Variants in CEP152 observed in about 807,000 individuals in gnomAD.
CEP152 encodes the protein centrosomal protein 152, also known as centrosomal protein of 152 kDa.
A neutral mutation model predicts 188.9 loss-of-function variants in CEP152; 132 were observed. That is an observed-to-expected ratio of 0.70 (90% CI 0.61 to 0.81). The LOEUF is 0.81. CEP152 is among the 30% of genes least tolerant of loss of function. The pLI, the probability that CEP152 is intolerant of heterozygous loss-of-function variation, is 0.00. For synonymous variants in CEP152, 649 were observed against 666.6 expected (o/e 0.97, Z 0.41); for missense variants, 1,914 against 1,969.8 (o/e 0.97, Z 0.54).
chr15:48,742,082 A>G lies in CEP152; in HGVS notation c.3854T>C (p.Ile1285Thr). 3 of 1,614,112 alleles carry G rather than the reference A, an allele frequency of 1.9e-6. No homozygotes were observed. Among genetic ancestry groups the G allele is most frequent in the Non-Finnish European group, 2.5e-6 (3 of 1,179,994 alleles). ...KKIKCDMLRY[I>T]QESKERAAEM... ...TGCAGCTCGTTCCTTACTCTCCTGA[A>G]TATAACGAAGCATGTCACCTATAGG... Residue 1285 changes from isoleucine to threonine, a missense_variant, in exon 25 of 27, where the codon ATT (isoleucine) becomes ACT (threonine). Coordinates refer to ENST00000380950, the MANE Select transcript of CEP152 (RefSeq NM_001194998.2).
rs1406403214 is a variant in CEP152, at chr15:48,748,440, A to C, written c.3634+3T>G. 6.5e-7 allele frequency: 1 copy of C among 1,526,864 alleles called. No individual in the cohort carries two copies. The highest frequency in any genetic ancestry group is 1.4e-5 in the African/African-American group (1 of 72,546). 94.6% of individuals were successfully genotyped at this position (1,526,864 alleles called of 1,614,324 possible). A position where few individuals can be genotyped will look rare whatever the true frequency, so the allele number is the denominator to read the frequency against. On this transcript the variant is annotated splice_donor_region_variant and intron_variant, in intron 22 of 26. Transcript: ENST00000380950. ...TGGTAGCAGTGCTACTTTAAATGCT[A>C]ACCTCCAATTTTTTCCACTACAGCT...
chr15:48,754,256 C>T (rs1280720882), intron 20 of CEP152, among the ~76,000 whole-genome samples: 1 of 152,104 alleles, frequency 6.6e-6, no homozygotes, highest in Admixed American at 6.6e-5. Context: ...TTATGAGCCT[C>T]ATTAAGTCAC....
intron 22 of CEP152, among the ~76,000 whole-genome samples, chr15:48,746,838 A>G (rs1424655075): frequency 1.3e-5 from 2 of 152,196 alleles, no homozygotes; most frequent in Non-Finnish European, 2.9e-5. Flanking sequence ...AGGACTAAAC[A>G]GGTCTGCAGT....
rs772045353 is a variant in CEP152 at position 48,793,391 on chromosome 15, G to A, written c.762C>T (p.Asn254=). 3.1e-6 allele frequency: 5 copies of A among 1,613,718 alleles called. No individual in the cohort carries two copies. In the African/African-American group the frequency reaches 6.7e-5, roughly 22 times the overall value. The change falls in exon 7 of 27, where the codon AAC becomes AAT. Residue 254 remains asparagine (N), a synonymous_variant. Transcript: ENST00000380950. Reference sequence around the variant, plus strand: ...CACTTTCATTTAACTTTTCAATTAAGTTCTCCAGTTGTCTCTCTTTTGCTT... The same window carrying A: ...CACTTTCATTTAACTTTTCAATTAAATTCTCCAGTTGTCTCTCTTTTGCTT... ...LNKAKERQLE[N]LIEKLNESER...
intron 2 of CEP152, 130 bp from the exon 3 acceptor site, chr15:48,798,181 T>C: frequency 2.8e-6 from 2 of 711,738 alleles, no homozygotes; most frequent in Admixed American, 4.1e-5. Context: ...TTAATTAACT[T>C]CTTAAGTTCC....
downstream of CEP152, among the ~76,000 whole-genome samples, chr15:48,734,776 C>A (rs1892542495): frequency 6.6e-6 from 1 of 151,762 alleles, no homozygotes; most frequent in South Asian, 2.1e-4. Context: ...ATAGTAGATA[C>A]AAAGAGGGAT....
At chr15:48,778,740 G>A (rs1213330927) in intron 12 of CEP152, among the ~76,000 whole-genome samples, 2 of 151,932 alleles carry the variant, frequency 1.3e-5, no homozygotes, top group South Asian at 2.1e-4. Context: ...ACCTGAAGTC[G>A]GGAGTTCAAG....
At chr15:48,745,374 G>C (rs987384681) in intron 22 of CEP152, among the ~76,000 whole-genome samples, 1 of 151,860 alleles carries the variant, frequency 6.6e-6, no homozygotes, top group Non-Finnish European at 1.5e-5. Context: ...CATGCACCTC[G>C]ATATAAAACA....
intron 12 of CEP152, among the ~76,000 whole-genome samples, chr15:48,780,626 C>T (rs1250950125): frequency 1.3e-5 from 2 of 152,214 alleles, no homozygotes; most frequent in Non-Finnish European, 1.5e-5. Context: ...CACCGTATCT[C>T]TCTCTTCCCT....
At chr15:48,742,233 C>A in intron 24 of CEP152, 133 bp from the exon 25 acceptor site, 4 of 824,332 alleles carry the variant, frequency 4.9e-6, no homozygotes, top group South Asian at 4.3e-5. Context: ...TTATACTTTC[C>A]ACAGTCATTA....
chr15:48,765,667 T>TTTTG (rs1566996429), intron 17 of CEP152: 3 of 396,226 alleles, frequency 7.6e-6, no homozygotes, highest in African/African-American at 7.5e-5. Context: ...TTTTTTTTTT[T>TTTTG]TTGAGAGACG....
chr15:48,790,518 A>G (rs115488386), intron 8 of CEP152, among the ~76,000 whole-genome samples: 3,038 of 152,262 alleles, frequency 0.02, 108 homozygotes, highest in African/African-American at 0.07. Context: ...CCATCCTCAG[A>G]CTTAGCTACA....
At chr15:48,734,845 A>ATGT (rs1389438274), downstream of CEP152, among the ~76,000 whole-genome samples, 2 of 152,242 alleles carry the variant, frequency 1.3e-5, no homozygotes, top group Non-Finnish European at 2.9e-5. Context: ...AAAGGTATAT[A>ATGT]TACCTAACAA....
At position 48,739,117 on chromosome 15, in the gene CEP152, A is replaced by G. The variant is rs1404270798; in HGVS notation, c.4265T>C (p.Leu1422Pro). The change falls in exon 27 of 27, where the codon CTG becomes CCG. Residue 1422 changes from leucine to proline, a missense_variant. By Grantham distance (98) the Leu-to-Pro change is moderately conservative. Coordinates refer to ENST00000380950, the MANE Select transcript of CEP152 (RefSeq NM_001194998.2). ...GCTCTGATGCTCTGAGTTCTCTAAC[A>G]GCCTTTGTAAGTTACAAGCTGCCCT... ...KRRAACNLQR[L>P]LENSEHQSIK... 1 of 1,614,230 alleles carries G rather than the reference A, an allele frequency of 6.2e-7. No homozygotes were observed. The highest frequency in any genetic ancestry group is 1.1e-5 in the South Asian group (1 of 91,088).
Position 48,788,919 on chromosome 15 carries a change from A to G in CEP152, c.1055T>C (p.Leu352Pro). Residue 352 changes from leucine to proline, a missense_variant, in exon 9 of 27, where the codon CTT (leucine) becomes CCT (proline). Coordinates refer to ENST00000380950, the MANE Select transcript of CEP152 (RefSeq NM_001194998.2). ...QLVDLHHSES[L>P]QRAREQHESI... ...CTCATGCTGTTCTCTAGCTCGTTGA[A>G]GTGATTCAGAATGATGAAGGTCCAC... 6.2e-7 allele frequency: 1 copy of G among 1,614,098 alleles called. No individual in the cohort carries two copies. Among genetic ancestry groups the G allele is most frequent in the Non-Finnish European group, 8.5e-7 (1 of 1,180,004 alleles).
In CEP152 at chr15:48,783,453, TA is replaced by T. The variant is rs1896406940; in HGVS notation, c.1321+519del. 2.0e-5 allele frequency: 3 copies of T among 152,098 alleles called. No individual in the cohort carries two copies. The South Asian group carries it at 6.2e-4, about 32-fold the overall frequency. The allele number at this position is 152,098 out of a possible 1,614,324, so 9.4% of individuals were successfully genotyped here. On this transcript the variant is annotated intron_variant, in intron 10 of 26. Transcript: ENST00000380950. ...GAACTATATGATCAAATATTGGGCC[TA>T]AAAAAGCAAAATATAATGGGATTTT...
chr15:48,744,127 G>A (rs1319483114), intron 24 of CEP152, 113 bp downstream of exon 24: 3 of 1,499,538 alleles, frequency 2.0e-6, no homozygotes, highest in South Asian at 1.3e-5. Context: ...TGAAGAAAAA[G>A]GTAATTTGGA....
At position 48,744,958 on chromosome 15, in the gene CEP152, T is replaced by C. The variant is rs1893296362; in HGVS notation, c.3669A>G (p.Glu1223=). The C allele has an allele frequency of 1.2e-6, 2 of 1,609,078 alleles. No homozygotes were observed. Among genetic ancestry groups the C allele is most frequent in the East Asian group, 2.2e-5 (1 of 44,688 alleles). The stretch of plus-strand genomic sequence containing the variant: ...ATTTATTCTTCATGTCGTTGTTTTC[T>C]TCTATTAATTCTTCAACAACTTTAT... ...ENNKVVEELI[E]ENNDMKNKLE... is the part of the protein sequence containing the mutation. The change falls in exon 23 of 27, where the codon GAA becomes GAG. Residue 1223 remains glutamate, a synonymous_variant. Transcript: ENST00000380950.
chr15:48,754,092 G>A (rs1294429560), intron 20 of CEP152, among the ~76,000 whole-genome samples: 4 of 152,080 alleles, frequency 2.6e-5, no homozygotes, highest in South Asian at 2.1e-4. Flanking sequence ...AAGATAGCTC[G>A]AAAATGGCAG....
Sources: gnomAD v4.1 joint callset for allele counts (sites outside exome capture counted in the v4.1 genomes callset) on GRCh38, gnomAD v4.1.1 for gene constraint, MANE v1.5 for transcripts, NCBI Gene and HGNC (gene_info 2026-07-23, HGNC 2026-07-21) for gene names.